The following RAB6A variants were observed in gnomAD, a reference collection of about 807,000 sequenced individuals.
RAB6A encodes the protein ras-related protein Rab-6A.
RAB6A carries 8 observed loss-of-function variants against 32.3 expected under a neutral mutation model. That is an observed-to-expected ratio of 0.25 (90% CI 0.15 to 0.45). The LOEUF is 0.45. RAB6A is among the 20% of genes least tolerant of loss of function. The pLI is 1.00. For synonymous variants in RAB6A, 73 were observed against 82.1 expected (o/e 0.89, Z 0.60); for missense variants, 104 against 249.4 (o/e 0.42, Z 3.93).
intron 2 of RAB6A, chr11:73,722,336 TATATATA>T (rs1243455057): frequency 1.1e-3 from 9 of 8,412 alleles, no homozygotes; most frequent in African/African-American, 2.8e-3. Flanking sequence ...TATATATATA[TATATATA>T]TTTTTTTTTT....
At chr11:73,758,898 C>T (rs1167343505) in intron 1 of RAB6A, among the ~76,000 whole-genome samples, 4 of 152,098 alleles carry the variant, frequency 2.6e-5, no homozygotes, top group African/African-American at 7.2e-5. Context: ...CCAAGTTACT[C>T]ACCTAAAGAC....
chr11:73,690,916 G>A (rs766854677), intron 6 of RAB6A, among the ~76,000 whole-genome samples: 7 of 146,378 alleles, frequency 4.8e-5, no homozygotes, highest in African/African-American at 7.5e-5. Context: ...CCCAAAACAC[G>A]AACAGCCGCA....
intron 5 of RAB6A, among the ~76,000 whole-genome samples, chr11:73,710,242 A>G (rs9705336): frequency 0.48 from 71,107 of 149,056 alleles, 18,258 homozygotes; most frequent in East Asian, 0.6. Context: ...CTGGGATTAC[A>G]GGCGTGAGCC....
chr11:73,675,930 T>C lies in RAB6A; in HGVS notation c.*1968A>G, dbSNP rs1379900003. 1 of 167,136 alleles carries C rather than the reference T, an allele frequency of 6.0e-6. No homozygotes were observed. The highest frequency in any genetic ancestry group is 2.4e-5 in the African/African-American group (1 of 41,468). 10.4% of individuals were successfully genotyped at this position (167,136 alleles called of 1,614,324 possible). A position where few individuals can be genotyped will look rare whatever the true frequency, so the allele number is the denominator to read the frequency against. ...TCAATATTTATTTCAGGACATGCCATGTCAAAATAAAACAAAGAGTCAACC... is the reference window on the plus strand; with the variant it reads ...TCAATATTTATTTCAGGACATGCCACGTCAAAATAAAACAAAGAGTCAACC... On this transcript the variant is annotated 3_prime_UTR_variant, in exon 8 of 8. Coordinates refer to ENST00000336083, the MANE Select transcript of RAB6A (RefSeq NM_198896.2).
intron 5 of RAB6A, among the ~76,000 whole-genome samples, chr11:73,710,305 A>C (rs778111738): frequency 1.4e-4 from 20 of 148,004 alleles, no homozygotes; most frequent in Non-Finnish European, 2.2e-4. Flanking sequence ...TATTAATCTT[A>C]TATCTGTATT....
At chr11:73,699,065 C>T (rs1046577079) in intron 6 of RAB6A, among the ~76,000 whole-genome samples, 1 of 152,042 alleles carries the variant, frequency 6.6e-6, no homozygotes, top group African/African-American at 2.4e-5. Flanking sequence ...GTTGGTCAGG[C>T]TGGTCTCGAA....
At chr11:73,739,481 ATTT>A (rs1946461402) in intron 1 of RAB6A, among the ~76,000 whole-genome samples, 1 of 149,302 alleles carries the variant, frequency 6.7e-6, no homozygotes, top group Non-Finnish European at 1.5e-5. Context: ...CTGATTTTTT[ATTT>A]TTTATTTTTT....
At chr11:73,731,743 CA>C (rs1946315860) in intron 1 of RAB6A, among the ~76,000 whole-genome samples, 1 of 112,132 alleles carries the variant, frequency 8.9e-6, no homozygotes, top group Non-Finnish European at 1.8e-5. Context: ...CACACACACA[CA>C]CATATTTTCT....
intron 1 of RAB6A, among the ~76,000 whole-genome samples, chr11:73,754,178 C>T (rs1042143585): frequency 3.3e-5 from 5 of 152,186 alleles, no homozygotes; most frequent in Admixed American, 6.5e-5. Flanking sequence ...TCCATCTCTA[C>T]CAGTCCTCTA....
At position 73,759,888 on chromosome 11, in the gene RAB6A, A is replaced by C. The variant is rs73539614; in HGVS notation, c.70+678T>G. ...TTTCCGACAAGCCACAGCCCCATCT[A>C]ACCTAAGGGGCAAAAATCTCCACTG... On this transcript the variant is annotated intron_variant, in intron 1 of 7. Transcript: ENST00000336083. 3.8e-3 allele frequency among the ~76,000 whole-genome samples: 573 copies of C among 152,302 alleles called. 4 individuals carry two copies. Among genetic ancestry groups the C allele is most frequent in the African/African-American group, 0.013 (545 of 41,570 alleles).
intron 6 of RAB6A, among the ~76,000 whole-genome samples, chr11:73,692,006 A>T (rs1428604165): frequency 6.6e-6 from 1 of 152,086 alleles, no homozygotes; most frequent in East Asian, 1.9e-4. Flanking sequence ...AGTGCAGCAC[A>T]AATGTTTATA....
chr11:73,683,251 CTTTTTT>C (rs34363473), intron 6 of RAB6A, among the ~76,000 whole-genome samples: 16 of 92,558 alleles, frequency 1.7e-4, no homozygotes, highest in African/African-American at 5.9e-4. Flanking sequence ...ATAGACCCAT[CTTTTTT>C]TTTTTTTTTT....
intron 1 of RAB6A, among the ~76,000 whole-genome samples, chr11:73,743,105 GGGCA>G (rs1385344425): frequency 6.6e-6 from 1 of 151,944 alleles, no homozygotes; most frequent in African/African-American, 2.4e-5. Context: ...AGACCAGCCT[GGGCA>G]GCATAGTGAA....
intron 1 of RAB6A, among the ~76,000 whole-genome samples, chr11:73,736,471 A>G (rs940978078): frequency 1.3e-5 from 2 of 151,132 alleles, no homozygotes; most frequent in African/African-American, 4.8e-5. Flanking sequence ...AAGTAATTCT[A>G]GATGAAGGTA....
At chr11:73,736,459 G>GA (rs1946394857) in intron 1 of RAB6A, among the ~76,000 whole-genome samples, 1 of 149,206 alleles carries the variant, frequency 6.7e-6, no homozygotes, top group Non-Finnish European at 1.5e-5. Flanking sequence ...ATTCACCAGT[G>GA]AAAGTAATTC....
intron 6 of RAB6A, among the ~76,000 whole-genome samples, chr11:73,699,500 G>C (rs1289167355): frequency 6.6e-6 from 1 of 151,586 alleles, no homozygotes; most frequent in Non-Finnish European, 1.5e-5. Context: ...GCCAAGGCTG[G>C]TCTCAAACAC....
chr11:73,698,393 A>T (rs538120505), intron 6 of RAB6A, among the ~76,000 whole-genome samples: 1 of 152,324 alleles, frequency 6.6e-6, no homozygotes, highest in Non-Finnish European at 1.5e-5. Context: ...TATAATCTTA[A>T]GCAAGTTACT....
At chr11:73,698,662 T>C (rs1417861957) in intron 6 of RAB6A, among the ~76,000 whole-genome samples, 1 of 152,098 alleles carries the variant, frequency 6.6e-6, no homozygotes, top group Non-Finnish European at 1.5e-5. Context: ...CTAGATATTG[T>C]ATATAAAGTG....
chr11:73,704,218 G>A (rs186356763), intron 6 of RAB6A: 1 of 429,108 alleles, frequency 2.3e-6, no homozygotes, highest in African/African-American at 2.0e-5. Flanking sequence ...CCTATTCTCT[G>A]GAAAAAAATT....
Sources: allele counts gnomAD v4.1 joint callset (sites outside exome capture counted in the v4.1 genomes callset), GRCh38; gene constraint gnomAD v4.1.1; transcripts MANE v1.5; gene names NCBI Gene and HGNC (gene_info 2026-07-23, HGNC 2026-07-21).